Variants in LSG1 observed in about 807,000 individuals in gnomAD.
LSG1 encodes large subunit GTPase 1 homolog.
LSG1 carries 55 observed loss-of-function variants against 82.6 expected under a neutral mutation model. The observed-to-expected ratio is 0.67, with a 90% CI of 0.54 to 0.83. LSG1 has a LOEUF of 0.83. Ranked by LOEUF, LSG1 falls within the 40% of genes least tolerant of loss-of-function variation. The pLI is 0.00. For synonymous variants in LSG1, 272 were observed against 282.5 expected, an observed-to-expected ratio of 0.96 and a Z score of 0.37; for missense variants, 809 against 807.9, an observed-to-expected ratio of 1.00 and a Z score of -0.02.
rs761193117 is a variant in LSG1, at chr3:194,640,958, C to G, written c.*1110G>C. 2.0e-5 allele frequency: 3 copies of G among 152,300 alleles called. No individual in the cohort carries two copies. The highest frequency in any genetic ancestry group is 4.4e-5 in the Non-Finnish European group (3 of 68,216). 9.4% of individuals were successfully genotyped at this position (152,300 alleles called of 1,614,324 possible). On this transcript the variant is annotated 3_prime_UTR_variant, in exon 14 of 14. Transcript: ENST00000265245. ...GAGCAGGAGGGAGACAGAGGGGAGG[C>G]ACCACACACTTTGAAGCAACCAGAT...
In LSG1 at chr3:194,641,738, C is replaced by T. The variant is rs768273465; in HGVS notation, c.*330G>A. On this transcript the variant is annotated 3_prime_UTR_variant, in exon 14 of 14. Coordinates refer to ENST00000265245, the MANE Select transcript of LSG1 (RefSeq NM_018385.3). ...AAGTGATTCTCCTGCCTCAGCCTCC[C>T]GAGTAGCTGGGATTACAGGTGCGCG... The T allele has an allele frequency of 3.3e-4, 57 of 174,176 alleles. No individual in the cohort carries two copies. Among genetic ancestry groups the T allele is most frequent in the African/African-American group, 6.9e-4 (29 of 42,218 alleles). 10.8% of individuals were successfully genotyped at this position (174,176 alleles called of 1,614,324 possible).
intron 12 of LSG1, 90 bp from the exon 13 acceptor site, chr3:194,644,836 A>C (rs755544866): frequency 1.6e-5 from 17 of 1,056,630 alleles, no homozygotes; most frequent in Admixed American, 1.3e-4. Context: ...ACTCTGATGG[A>C]GCTTTCTGCC....
intron 13 of LSG1, among the ~76,000 whole-genome samples, 154 bp from the exon 14 acceptor site, chr3:194,642,401 C>A (rs528475560): frequency 6.7e-6 from 1 of 150,110 alleles, no homozygotes; most frequent in East Asian, 2.0e-4. Context: ...CTTTCTCCCC[C>A]CAGCATTCTG....
At chr3:194,656,613 A>G (rs1009052712) in intron 7 of LSG1, among the ~76,000 whole-genome samples, 42 of 152,212 alleles carry the variant, frequency 2.8e-4, no homozygotes, top group African/African-American at 1.0e-3. Context: ...ATCTAGAACT[A>G]GAAATACCAT....
intron 2 of LSG1, among the ~76,000 whole-genome samples, chr3:194,669,163 A>T (rs1314889827): frequency 3.3e-5 from 5 of 152,222 alleles, no homozygotes; most frequent in Non-Finnish European, 7.3e-5. Context: ...ATTAGTTAAT[A>T]ATATGAAATT....
rs150736658 is a variant in LSG1 at position 194,651,621 on chromosome 3, G to A, written c.1174-405C>T. Reference sequence around the variant, plus strand: ...ACAATTATTTTTAATTTTCAGTCACGTTTTAGTTAAAGCCAAGTGGAATGT... The same window carrying A: ...ACAATTATTTTTAATTTTCAGTCACATTTTAGTTAAAGCCAAGTGGAATGT... On this transcript the variant is annotated intron_variant, in intron 8 of 13. Transcript: ENST00000265245. 5.3e-3 allele frequency: 844 copies of A among 158,878 alleles called. 6 individuals are homozygous for A. The highest frequency in any genetic ancestry group is 0.017 in the African/African-American group (706 of 41,646). The allele number at this position is 158,878 out of a possible 1,614,324, so 9.8% of individuals were successfully genotyped here.
chr3:194,661,263 T>C (rs1184589893), intron 5 of LSG1, among the ~76,000 whole-genome samples: 1 of 152,218 alleles, frequency 6.6e-6, no homozygotes, highest in Admixed American at 6.5e-5. Flanking sequence ...TTTCCTTCTT[T>C]AAGGTAATAA....
chr3:194,650,965 AG>A lies in LSG1; in HGVS notation c.1334del (p.Ser445PhefsTer9). The A allele has an allele frequency of 1.9e-6, 3 of 1,614,244 alleles. No individual in the cohort carries two copies. Among genetic ancestry groups the A allele is most frequent in the Non-Finnish European group, 2.5e-6 (3 of 1,180,042 alleles). ...LCDCPGLVMP[S>X]FVSTKAEMTC... Reference sequence around the variant, plus strand: ...TCATTTCTGCCTTGGTAGACACAAAAGATGGCATCACCAAGCCAGGACAGTC... The same window carrying A: ...TCATTTCTGCCTTGGTAGACACAAAAATGGCATCACCAAGCCAGGACAGTC... On this transcript the variant is annotated frameshift_variant, in exon 10 of 14. Transcript: ENST00000265245. LOFTEE classifies it high-confidence loss of function.
At chr3:194,664,859 G>T (rs1719000210) in intron 5 of LSG1, among the ~76,000 whole-genome samples, 1 of 152,200 alleles carries the variant, frequency 6.6e-6, no homozygotes, top group Admixed American at 6.5e-5. Context: ...GGCGGAGGTT[G>T]TGGTGAGCTG....
Position 194,653,162 on chromosome 3 carries a change from G to A in LSG1, c.760-20C>T, listed in dbSNP as rs371173829. The A allele has an allele frequency of 8.3e-5, 133 of 1,603,078 alleles. No individual in the cohort carries two copies. The highest frequency in any genetic ancestry group is 1.0e-4 in the Non-Finnish European group (123 of 1,173,620). Reference sequence around the variant, plus strand: ...CTCTTCCTGACAAAATAATAGAAACGCTCAGAAGTATATAACTGCAGTTTC... The same window carrying A: ...CTCTTCCTGACAAAATAATAGAAACACTCAGAAGTATATAACTGCAGTTTC... On this transcript the variant is annotated intron_variant, in intron 7 of 13. Transcript: ENST00000265245.
At position 194,660,077 on chromosome 3, in the gene LSG1, T is replaced by A; in HGVS notation, c.578A>T (p.Asp193Val). 2 of 1,613,836 alleles carry A rather than the reference T, an allele frequency of 1.2e-6. No homozygotes were observed. Among genetic ancestry groups the A allele is most frequent in the Non-Finnish European group, 1.7e-6 (2 of 1,179,802 alleles). Residue 193 changes from aspartate (D) to valine (V), a missense_variant, in exon 6 of 14, where the codon GAT becomes GTT. Asp to Val is a radical substitution (Grantham distance 152). Coordinates refer to ENST00000265245, the MANE Select transcript of LSG1 (RefSeq NM_018385.3). ...ATTTTGTCAAACTTGACTTACCAAA[T>A]CCTCACATCTAAACAGGAGTGGGTT... is the stretch of plus-strand genomic sequence containing the variant. ...ARNPLLFRCE[D>V]LECYVKEMDA...
chr3:194,652,062 T>G (rs1271111593), intron 8 of LSG1, among the ~76,000 whole-genome samples: 3 of 152,206 alleles, frequency 2.0e-5, no homozygotes, highest in Non-Finnish European at 4.4e-5. Flanking sequence ...TGGGAGACTT[T>G]AAACATGCCA....
rs773464169 is a variant in LSG1 at position 194,645,525 on chromosome 3, CACACAG to C, written c.1623+633_1623+638del. The C allele has an allele frequency of 9.8e-3, 398 of 40,530 alleles. 13 individuals carry two copies. The highest frequency in any genetic ancestry group is 0.016 in the African/African-American group (193 of 12,074). 2.5% of individuals were successfully genotyped at this position (40,530 alleles called of 1,614,324 possible). On this transcript the variant is annotated intron_variant, in intron 12 of 13. Transcript: ENST00000265245. ...ACACACACACACACACACACACACA[CACACAG>C]ACAGACACACACACACACACACACA...
chr3:194,643,810 T>C (rs551479419), intron 13 of LSG1, among the ~76,000 whole-genome samples: 72 of 152,220 alleles, frequency 4.7e-4, no homozygotes, highest in African/African-American at 1.7e-3. Flanking sequence ...GTCCCTCAAA[T>C]GATAAATAGA....
chr3:194,667,017 G>A (rs1449932575), intron 2 of LSG1, among the ~76,000 whole-genome samples: 1 of 152,062 alleles, frequency 6.6e-6, no homozygotes, highest in Non-Finnish European at 1.5e-5. Context: ...ATGCTGAGAA[G>A]TAGAGGTGCT....
intron 8 of LSG1, 125 bp downstream of exon 8, chr3:194,652,604 C>CA (rs1191255270): frequency 9.7e-7 from 1 of 1,030,010 alleles, no homozygotes; most frequent in Non-Finnish European, 1.4e-6. Context: ...TGCCAGTGGG[C>CA]AACAAGAGGG....
Position 194,658,980 on chromosome 3 carries a change from T to C in LSG1, c.736A>G (p.Ile246Val), listed in dbSNP as rs1310673024. 3 of 1,613,934 alleles carry C rather than the reference T, an allele frequency of 1.9e-6. No individual in the cohort carries two copies. Among genetic ancestry groups the C allele is most frequent in the Non-Finnish European group, 2.5e-6 (3 of 1,179,920 alleles). Residue 246 changes from isoleucine to valine, a missense_variant, in exon 7 of 14, where the codon ATT becomes GTT. Coordinates refer to ENST00000265245, the MANE Select transcript of LSG1 (RefSeq NM_018385.3). Reference protein sequence around the residue: ...VIFWSALAGAIPLNGDSEEEA... With the variant: ...VIFWSALAGAVPLNGDSEEEA... ...ACCTCAGAGTCACCATTCAGGGGAA[T>C]GGCTCCGGCCAAAGCTGACCAGAAA...
intron 11 of LSG1, among the ~76,000 whole-genome samples, chr3:194,648,351 G>A (rs1372958649): frequency 6.6e-6 from 1 of 151,856 alleles, no homozygotes. Context: ...CTCCTGCCTC[G>A]CTGTGGCGTG....
intron 13 of LSG1, 33 bp downstream of exon 13, chr3:194,644,540 G>T: frequency 1.3e-6 from 2 of 1,554,708 alleles, no homozygotes; most frequent in Non-Finnish European, 1.8e-6. Context: ...AAGAGTGTTG[G>T]ATCAGAAGTT....
Sources: gnomAD v4.1 joint callset for allele counts (sites outside exome capture counted in the v4.1 genomes callset) on GRCh38, gnomAD v4.1.1 for gene constraint, MANE v1.5 for transcripts, NCBI Gene and HGNC (gene_info 2026-07-23, HGNC 2026-07-21) for gene names.